The following SYT16 variants were observed in gnomAD, a reference collection of about 807,000 sequenced individuals.
SYT16 encodes the protein synaptotagmin-16.
A neutral mutation model predicts 61.4 loss-of-function variants in SYT16; 42 were observed. That is an observed-to-expected ratio of 0.68 (90% CI 0.53 to 0.89). The LOEUF (loss-of-function observed/expected upper bound fraction) is 0.89, where lower values mean the gene tolerates loss of function less well. SYT16 is among the 40% of genes least tolerant of loss of function. The pLI, the probability that SYT16 is intolerant of heterozygous loss-of-function variation, is 0.00. For missense variants in SYT16, 804 were observed against 807.3 expected (o/e 1.00, Z 0.05); for synonymous variants, 314 against 302.3 (o/e 1.04, Z -0.40).
intron 3 of SYT16, among the ~76,000 whole-genome samples, chr14:62,017,643 A>C (rs1347379767): frequency 3.3e-5 from 5 of 152,080 alleles, no homozygotes; most frequent in Non-Finnish European, 5.9e-5. Context: ...CTACCATTAC[A>C]ATATATCTAA....
rs989137000 is a variant in SYT16, at chr14:62,102,077, A to G, written c.*1370A>G. ...CGCTCAATGTGCAGCTCTTCTGAGC[A>G]ATTGCTCAGTCACCTATTTTTAGTT... On this transcript the variant is annotated 3_prime_UTR_variant, in exon 8 of 8. Transcript: ENST00000683842. The G allele has an allele frequency of 1.3e-5, 2 of 152,222 alleles. No individual in the cohort carries two copies. The highest frequency in any genetic ancestry group is 6.5e-5 in the Admixed American group (1 of 15,288). 9.4% of individuals were successfully genotyped at this position (152,222 alleles called of 1,614,324 possible). A position where few individuals can be genotyped will look rare whatever the true frequency, so the allele number is the denominator to read the frequency against.
At chr14:62,053,343 C>G (rs1366504938) in intron 3 of SYT16, among the ~76,000 whole-genome samples, 1 of 152,174 alleles carries the variant, frequency 6.6e-6, no homozygotes, top group African/African-American at 2.4e-5. Context: ...TCTCCTGATT[C>G]TTAAGTATCT....
intron 1 of SYT16, among the ~76,000 whole-genome samples, chr14:61,871,729 A>T (rs1594797516): frequency 6.6e-6 from 1 of 152,194 alleles, no homozygotes; most frequent in East Asian, 1.9e-4. Context: ...TAACTTTTTC[A>T]CATGAAATTA....
chr14:62,079,212 A>G (rs1011539980), intron 5 of SYT16: 4 of 303,680 alleles, frequency 1.3e-5, no homozygotes, highest in East Asian at 9.7e-5. Context: ...AAAAGTCTCT[A>G]TAGCAACCAC....
At chr14:62,099,273 GA>G (rs1490455753) in intron 7 of SYT16, among the ~76,000 whole-genome samples, 1 of 152,196 alleles carries the variant, frequency 6.6e-6, no homozygotes, top group Non-Finnish European at 1.5e-5. Context: ...ATAAAGGTGA[GA>G]AATGCTGGCA....
chr14:62,029,087 T>C lies in SYT16; in HGVS notation c.523+32545T>C, dbSNP rs557930694. On this transcript the variant is annotated intron_variant, in intron 3 of 7. Coordinates refer to ENST00000683842, the MANE Select transcript of SYT16 (RefSeq NM_001367656.1). ...CTACTTTTCATCTGAGTGGTTCCCATAGGGCCAGCCTGAGCATCACAGTTA... is the reference window on the plus strand; with the variant it reads ...CTACTTTTCATCTGAGTGGTTCCCACAGGGCCAGCCTGAGCATCACAGTTA... Among the ~76,000 whole-genome samples, 5 of 152,304 alleles carry C rather than the reference T, an allele frequency of 3.3e-5. No homozygotes were observed. In the East Asian group the frequency reaches 5.8e-4, roughly 18 times the overall value.
At chr14:62,074,644 C>T (rs1163127543) in intron 4 of SYT16, among the ~76,000 whole-genome samples, 2 of 152,170 alleles carry the variant, frequency 1.3e-5, no homozygotes, top group African/African-American at 2.4e-5. Context: ...GATTTAAACT[C>T]GGATCATACC....
At chr14:61,832,489 C>T (rs1388376033) in intron 1 of SYT16, 5 of 359,996 alleles carry the variant, frequency 1.4e-5, no homozygotes, top group Admixed American at 1.3e-4. Context: ...CAGGCTGTGG[C>T]GCAGAGGCGT....
rs546684535 is a variant in SYT16 at position 62,044,436 on chromosome 14, T to TATTA, written c.524-25167_524-25166insATTA. Among the ~76,000 whole-genome samples, 47 of 152,260 alleles carry TATTA rather than the reference T, an allele frequency of 3.1e-4. No individual in the cohort carries two copies. In the East Asian group the frequency reaches 6.2e-3, roughly 20 times the overall value. On this transcript the variant is annotated intron_variant, in intron 3 of 7. Coordinates refer to ENST00000683842, the MANE Select transcript of SYT16 (RefSeq NM_001367656.1). Reference sequence around the variant, plus strand: ...CGCATGCATTAGGTATTTGTCCTAATGTTCTCCCTCCCCTTGCCTCCCCAC... The same window carrying TATTA: ...CGCATGCATTAGGTATTTGTCCTAATATTAGTTCTCCCTCCCCTTGCCTCCCCAC...
rs1039056818 is a variant in SYT16, at chr14:62,108,816, G to A, written c.*8109G>A. ...TATTTTCTCTTATAGTGTTGGGATA[G>A]GATTTGACCTGTATTTTCAGGTTAA... On this transcript the variant is annotated 3_prime_UTR_variant, in exon 8 of 8. Transcript: ENST00000683842. The A allele has an allele frequency of 6.6e-6, 1 of 152,106 alleles. No homozygotes were observed. The highest frequency in any genetic ancestry group is 1.5e-5 in the Non-Finnish European group (1 of 68,014). The allele number at this position is 152,106 out of a possible 1,614,324, so 9.4% of individuals were successfully genotyped here.
At chr14:62,059,574 G>T (rs75595055) in intron 3 of SYT16, among the ~76,000 whole-genome samples, 4 of 150,974 alleles carry the variant, frequency 2.6e-5, no homozygotes, top group Non-Finnish European at 4.4e-5. Flanking sequence ...ATATCCTAAG[G>T]TCACAAAAGA....
At chr14:62,006,270 A>G (rs541301460) in intron 3 of SYT16, among the ~76,000 whole-genome samples, 2 of 152,076 alleles carry the variant, frequency 1.3e-5, no homozygotes, top group South Asian at 4.2e-4. Context: ...CCTTTATACT[A>G]TGGGGTGATG....
chr14:62,036,640 C>T (rs1160486597), intron 3 of SYT16, among the ~76,000 whole-genome samples: 1 of 152,120 alleles, frequency 6.6e-6, no homozygotes, highest in Non-Finnish European at 1.5e-5. Context: ...AAAGGAGGAG[C>T]AAAGGCACAT....
At chr14:62,052,495 A>G (rs1440976232) in intron 3 of SYT16, among the ~76,000 whole-genome samples, 1 of 152,168 alleles carries the variant, frequency 6.6e-6, no homozygotes, top group Non-Finnish European at 1.5e-5. Context: ...TCTTCCACAT[A>G]TGCATGCGAT....
At chr14:61,923,856 C>T (rs1219183869) in intron 1 of SYT16, among the ~76,000 whole-genome samples, 1 of 152,106 alleles carries the variant, frequency 6.6e-6, no homozygotes, top group Non-Finnish European at 1.5e-5. Flanking sequence ...TTTGACCTCC[C>T]TTCAAAACCA....
At chr14:61,867,960 T>C (rs1396878481) in intron 1 of SYT16, among the ~76,000 whole-genome samples, 1 of 152,126 alleles carries the variant, frequency 6.6e-6, no homozygotes, top group Non-Finnish European at 1.5e-5. Flanking sequence ...TATGTTGAAT[T>C]ACATTGAGTT....
intron 1 of SYT16, among the ~76,000 whole-genome samples, chr14:61,932,046 A>T (rs535296155): frequency 1.3e-5 from 2 of 152,316 alleles, no homozygotes; most frequent in African/African-American, 4.8e-5. Flanking sequence ...CTTGACATCA[A>T]AGGTGACCAG....
At chr14:61,880,079 G>A (rs912113432) in intron 1 of SYT16, among the ~76,000 whole-genome samples, 1 of 152,216 alleles carries the variant, frequency 6.6e-6, no homozygotes, top group African/African-American at 2.4e-5. Context: ...GTCTGCAGAT[G>A]AAATGTCTTA....
chr14:61,926,720 A>G lies in SYT16; in HGVS notation c.-324-43412A>G, dbSNP rs572341225. Among the ~76,000 whole-genome samples the G allele has an allele frequency of 3.3e-5, 5 of 152,242 alleles. No homozygotes were observed. In the East Asian group the frequency reaches 9.7e-4, roughly 29 times the overall value. ...AGGAACTCAAAGGGCTTTTTAGGTGAATTTTAAGGGGACATGAATACATTC... is the reference window on the plus strand; with the variant it reads ...AGGAACTCAAAGGGCTTTTTAGGTGGATTTTAAGGGGACATGAATACATTC... On this transcript the variant is annotated intron_variant, in intron 1 of 7. Transcript: ENST00000683842.
Sources: gnomAD v4.1 joint callset for allele counts (sites outside exome capture counted in the v4.1 genomes callset) on GRCh38, gnomAD v4.1.1 for gene constraint, MANE v1.5 for transcripts, NCBI Gene and HGNC (gene_info 2026-07-23, HGNC 2026-07-21) for gene names.